Variants in ATXN1 observed in about 807,000 individuals in gnomAD.
ATXN1 encodes ataxin 1, also known as ataxin-1.
A neutral mutation model predicts 56.4 loss-of-function variants in ATXN1; 8 were observed. That is an observed-to-expected ratio of 0.14 (90% CI 0.08 to 0.26). The LOEUF (loss-of-function observed/expected upper bound fraction) is 0.26, where lower values mean the gene tolerates loss of function less well. Ranked by LOEUF, ATXN1 falls within the 10% of genes least tolerant of loss-of-function variation. The probability of loss-of-function intolerance (pLI) is 1.00; values close to 1 mark genes in which losing one functional copy is unlikely to be tolerated. For missense variants in ATXN1, 987 were observed against 1,106.5 expected, an observed-to-expected ratio of 0.89 and a Z score of 1.53; for synonymous variants, 514 against 494.6, an observed-to-expected ratio of 1.04 and a Z score of -0.52.
chr6:16,513,258 G>C (rs1250566824), intron 5 of ATXN1, among the ~76,000 whole-genome samples: 4 of 152,172 alleles, frequency 2.6e-5, no homozygotes, highest in Admixed American at 2.6e-4. Context: ...TGTGCTAATG[G>C]AAAGTGATCA....
chr6:16,379,624 T>C (rs1291484066), intron 6 of ATXN1, among the ~76,000 whole-genome samples: 1 of 152,174 alleles, frequency 6.6e-6, no homozygotes, highest in African/African-American at 2.4e-5. Flanking sequence ...CAGGAAGTGC[T>C]AACCAGGTAC....
intron 2 of ATXN1, among the ~76,000 whole-genome samples, chr6:16,742,497 G>T (rs987031824): frequency 3.3e-5 from 5 of 152,324 alleles, no homozygotes; most frequent in Admixed American, 2.6e-4. Flanking sequence ...TCCTCTGGGG[G>T]TGCTGCAGCG....
chr6:16,606,867 T>TTGTGTGTGTTTGTGTGTGTGTGTGTG (rs1554119514), intron 3 of ATXN1, among the ~76,000 whole-genome samples: 1 of 126,710 alleles, frequency 7.9e-6, no homozygotes, highest in Admixed American at 8.1e-5. Context: ...GTTCCATGAG[T>TTGTGTGTGTTTGTGTGTGTGTGTGTG]TGTGTGTGTG....
intron 2 of ATXN1, among the ~76,000 whole-genome samples, chr6:16,740,203 T>C (rs1019482149): frequency 6.6e-5 from 10 of 152,230 alleles, no homozygotes; most frequent in Admixed American, 6.5e-5. Context: ...TTCATAATAG[T>C]TATTGCTTCT....
chr6:16,484,947 A>ATGTGTG lies in ATXN1; in HGVS notation c.-161+1019_-161+1024dup, dbSNP rs35749735. Among the ~76,000 whole-genome samples, 1,039 of 126,034 alleles carry ATGTGTG rather than the reference A, an allele frequency of 8.2e-3. 11 individuals carry two copies. Among genetic ancestry groups the ATGTGTG allele is most frequent in the Non-Finnish European group, 0.014 (791 of 58,408 alleles). The allele number at this position is 126,034 out of a possible 152,430, so 82.7% of individuals were successfully genotyped here. A position where few individuals can be genotyped will look rare whatever the true frequency, so the allele number is the denominator to read the frequency against. On this transcript the variant is annotated intron_variant, in intron 6 of 7. Transcript: ENST00000436367. ...TAAGAAGCTGGAAACCTAAATATATATGTGTGTGTGTGTGTGTGTGTGTGT... is the reference window on the plus strand; with the variant it reads ...TAAGAAGCTGGAAACCTAAATATATATGTGTGTGTGTGTGTGTGTGTGTGTGTGTGT...
intron 6 of ATXN1, among the ~76,000 whole-genome samples, chr6:16,463,875 A>T (rs1436867350): frequency 6.6e-6 from 1 of 152,140 alleles, no homozygotes; most frequent in Non-Finnish European, 1.5e-5. Context: ...TCCAGGATCG[A>T]TACCATCAAG....
At chr6:16,573,917 C>T (rs759369267) in intron 4 of ATXN1, among the ~76,000 whole-genome samples, 1 of 152,214 alleles carries the variant, frequency 6.6e-6, no homozygotes, top group East Asian at 1.9e-4. Flanking sequence ...TTTCTCATTC[C>T]TCTTCTGAAC....
At chr6:16,538,137 C>T (rs1441729843) in intron 4 of ATXN1, among the ~76,000 whole-genome samples, 7 of 152,180 alleles carry the variant, frequency 4.6e-5, no homozygotes, top group Non-Finnish European at 8.8e-5. Context: ...ATAGGAATTT[C>T]CTTTCTCTCT....
rs531086456 is a variant in ATXN1 at position 16,447,485 on chromosome 6, A to G, written c.-161+38487T>C. 1.3e-4 allele frequency among the ~76,000 whole-genome samples: 20 copies of G among 152,212 alleles called. No homozygotes were observed. In the South Asian group the frequency reaches 3.7e-3, roughly 28 times the overall value. ...GTGATCCACCTGCCTCAGCCTCCCA[A>G]AGTGCTAGGATTAGAAGTGTTAGCC... is the stretch of plus-strand genomic sequence containing the variant. On this transcript the variant is annotated intron_variant, in intron 6 of 7. Transcript: ENST00000436367.
chr6:16,304,498 A>T lies in ATXN1; in HGVS notation c.*1831T>A, dbSNP rs930009129. 1.9e-4 allele frequency: 29 copies of T among 152,434 alleles called. No homozygotes were observed. Among genetic ancestry groups the T allele is most frequent in the African/African-American group, 6.8e-4 (28 of 41,394 alleles). The allele number at this position is 152,434 out of a possible 1,614,324, so 9.4% of individuals were successfully genotyped here. A position where few individuals can be genotyped will look rare whatever the true frequency, so the allele number is the denominator to read the frequency against. On this transcript the variant is annotated 3_prime_UTR_variant, in exon 8 of 8. Transcript: ENST00000436367. The stretch of plus-strand genomic sequence containing the variant: ...AACAACAATAATAAAGTAATTGTTT[A>T]AAAAAAATCTTGCTCACATATATAA...
At chr6:16,310,401 T>C (rs2113379625) in intron 7 of ATXN1, among the ~76,000 whole-genome samples, 1 of 152,250 alleles carries the variant, frequency 6.6e-6, no homozygotes, top group Admixed American at 6.5e-5. Context: ...CAGGGAGGAA[T>C]GAAGAGGAAT....
intron 6 of ATXN1, among the ~76,000 whole-genome samples, chr6:16,403,913 G>GA (rs368840803): frequency 0.011 from 1,585 of 148,296 alleles, 12 homozygotes; most frequent in Non-Finnish European, 0.015. Flanking sequence ...GGATCTTTGG[G>GA]AAAAAAAAAA....
At chr6:16,624,956 T>A (rs1763382498) in intron 3 of ATXN1, among the ~76,000 whole-genome samples, 1 of 152,226 alleles carries the variant, frequency 6.6e-6, no homozygotes, top group Non-Finnish European at 1.5e-5. Flanking sequence ...CGCTTATCAT[T>A]TGACGTAATC....
chr6:16,700,460 G>A (rs1306921550), intron 2 of ATXN1, among the ~76,000 whole-genome samples: 4 of 152,106 alleles, frequency 2.6e-5, no homozygotes, highest in Non-Finnish European at 5.9e-5. Flanking sequence ...ATGATCAAAG[G>A]AGGGTGGAAG....
intron 7 of ATXN1, among the ~76,000 whole-genome samples, chr6:16,320,269 A>C (rs1292378192): frequency 1.3e-5 from 2 of 152,222 alleles, no homozygotes; most frequent in Admixed American, 6.5e-5. Flanking sequence ...GTAGACAGCC[A>C]GTAAGTACAT....
intron 2 of ATXN1, chr6:16,739,018 T>C (rs992512091): frequency 1.3e-5 from 2 of 152,288 alleles, no homozygotes; most frequent in Non-Finnish European, 1.5e-5. Context: ...CTACATAACA[T>C]TCCATGGGCT....
At chr6:16,458,454 A>G (rs1759924370) in intron 6 of ATXN1, among the ~76,000 whole-genome samples, 1 of 152,208 alleles carries the variant, frequency 6.6e-6, no homozygotes. Flanking sequence ...AAAGATGTTT[A>G]TTACCCAATC....
intron 4 of ATXN1, among the ~76,000 whole-genome samples, chr6:16,541,930 T>A (rs1761723038): frequency 6.6e-6 from 1 of 152,162 alleles, no homozygotes; most frequent in Non-Finnish European, 1.5e-5. Context: ...CAATGTGAAC[T>A]ACAGAAGTAA....
At chr6:16,414,637 T>C (rs1009888775) in intron 6 of ATXN1, among the ~76,000 whole-genome samples, 6 of 152,142 alleles carry the variant, frequency 3.9e-5, no homozygotes, top group Non-Finnish European at 7.4e-5. Context: ...CATGCAAAAC[T>C]GAACAACAAC....
Sources: gnomAD v4.1 joint callset for allele counts (sites outside exome capture counted in the v4.1 genomes callset) on GRCh38, gnomAD v4.1.1 for gene constraint, MANE v1.5 for transcripts, NCBI Gene and HGNC (gene_info 2026-07-23, HGNC 2026-07-21) for gene names.